Variants in PAMR1 observed in about 807,000 individuals in gnomAD.
PAMR1 encodes the protein inactive serine protease PAMR1.
In PAMR1, 88 loss-of-function variants were observed where a neutral mutation model predicts 81.8. The observed-to-expected ratio is 1.08, with a 90% confidence interval of 0.91 to 1.28. The LOEUF is 1.28. PAMR1 is among the 50% of genes most tolerant of loss of function. The pLI is 0.00. For synonymous variants in PAMR1, 336 were observed against 345.3 expected (o/e 0.97, Z 0.30); for missense variants, 935 against 919.7 (o/e 1.02, Z -0.21).
rs1267388994 is a variant in PAMR1, at chr11:35,525,579, G to C, written c.7C>G (p.Leu3Val). ...AGCCCCAACTGCGTCCAGCAACCCA[G>C]CTCCATCCTTGCCGCGGCTGGTGCC... ME[L>V]GCWTQLGLTF... The change falls in exon 1 of 11, where the codon CTG (leucine) becomes GTG (valine). Residue 3 changes from leucine to valine, a missense_variant. Coordinates refer to ENST00000619888, the MANE Select transcript of PAMR1 (RefSeq NM_001001991.3). The C allele has an allele frequency of 1.9e-6, 3 of 1,613,748 alleles. No individual in the cohort carries two copies. The highest frequency in any genetic ancestry group is 2.5e-6 in the Non-Finnish European group (3 of 1,179,920).
intron 4 of PAMR1, among the ~76,000 whole-genome samples, chr11:35,472,275 C>G (rs191087084): frequency 4.6e-5 from 7 of 152,222 alleles, no homozygotes; most frequent in African/African-American, 9.6e-5. Context: ...TACCACCTGA[C>G]AGAAGCCACA....
chr11:35,447,369 AT>A (rs1431900912), intron 6 of PAMR1, among the ~76,000 whole-genome samples: 1 of 151,750 alleles, frequency 6.6e-6, no homozygotes, highest in Non-Finnish European at 1.5e-5. Context: ...CGCCCGGCTA[AT>A]TTTTTTCTAT....
chr11:35,441,742 C>G (rs778164985), intron 6 of PAMR1, 49 bp from the exon 7 acceptor site: 134 of 1,281,572 alleles, frequency 1.0e-4, no homozygotes, highest in Non-Finnish European at 1.4e-4. Flanking sequence ...CTGAGTTATT[C>G]CATTTTAGAA....
At chr11:35,511,014 T>C (rs1445109843) in intron 1 of PAMR1, among the ~76,000 whole-genome samples, 1 of 152,230 alleles carries the variant, frequency 6.6e-6, no homozygotes, top group African/African-American at 2.4e-5. Flanking sequence ...ATGTAAGACA[T>C]TTAACCTCTT....
intron 1 of PAMR1, among the ~76,000 whole-genome samples, chr11:35,498,527 A>C (rs1418502241): frequency 6.6e-6 from 1 of 152,204 alleles, no homozygotes; most frequent in East Asian, 1.9e-4. Context: ...AAAAAAGAAA[A>C]ACAATAGAGA....
intron 3 of PAMR1, among the ~76,000 whole-genome samples, chr11:35,489,464 C>A (rs1319027901): frequency 5.9e-5 from 9 of 152,208 alleles, no homozygotes; most frequent in Non-Finnish European, 2.9e-5. Flanking sequence ...CAATCGCACT[C>A]CTAATGGCTA....
At chr11:35,512,763 C>T (rs1416814329) in intron 1 of PAMR1, among the ~76,000 whole-genome samples, 1 of 152,142 alleles carries the variant, frequency 6.6e-6, no homozygotes, top group South Asian at 2.1e-4. Flanking sequence ...GAGGCTGAAG[C>T]TGGAGGATCT....
chr11:35,484,355 C>G (rs980310771), intron 3 of PAMR1, among the ~76,000 whole-genome samples: 2 of 152,214 alleles, frequency 1.3e-5, no homozygotes, highest in Admixed American at 1.3e-4. Context: ...CAGTTTGAAT[C>G]GACCTGAGCA....
intron 6 of PAMR1, among the ~76,000 whole-genome samples, chr11:35,465,804 A>G (rs930007365): frequency 1.3e-5 from 2 of 152,232 alleles, no homozygotes; most frequent in Non-Finnish European, 2.9e-5. Flanking sequence ...TTTCCTGCCC[A>G]TCTATGCTGA....
chr11:35,447,285 C>T (rs1856315131), intron 6 of PAMR1, among the ~76,000 whole-genome samples: 2 of 149,706 alleles, frequency 1.3e-5, no homozygotes, highest in Non-Finnish European at 3.0e-5. Flanking sequence ...TCACTGCAAG[C>T]TCTGCCTCCC....
intron 1 of PAMR1, among the ~76,000 whole-genome samples, chr11:35,514,378 A>G (rs1005557890): frequency 6.6e-6 from 1 of 152,226 alleles, no homozygotes; most frequent in African/African-American, 2.4e-5. Context: ...TCAGGTTTAT[A>G]TCATGGCATT....
At position 35,432,658 on chromosome 11, in the gene PAMR1, C is replaced by T; in HGVS notation, c.1861G>A (p.Val621Met). ...GFKNDTLRSG[V>M]VSVVDSLLCE... The stretch of plus-strand genomic sequence containing the variant: ...AGCAGCGAGTCCACCACACTGACCA[C>T]CCCAGAGCGCAGTGTGTCGTTCTTG... Residue 621 changes from valine to methionine, a missense_variant, in exon 11 of 11, where the codon GTG becomes ATG. Coordinates refer to ENST00000619888, the MANE Select transcript of PAMR1 (RefSeq NM_001001991.3). 6.2e-7 allele frequency: 1 copy of T among 1,613,826 alleles called. No individual in the cohort carries two copies. The highest frequency in any genetic ancestry group is 8.5e-7 in the Non-Finnish European group (1 of 1,179,754).
intron 8 of PAMR1, among the ~76,000 whole-genome samples, chr11:35,438,085 C>T (rs533598788): frequency 3.3e-5 from 5 of 152,254 alleles, no homozygotes; most frequent in South Asian, 2.1e-4. Flanking sequence ...ATGAATTATG[C>T]GTGCAAGGTA....
At chr11:35,492,281 C>T (rs994590914) in intron 2 of PAMR1, 108 bp from the exon 3 acceptor site, 13 of 1,220,866 alleles carry the variant, frequency 1.1e-5, no homozygotes, top group South Asian at 2.9e-5. Context: ...CAACTAAGAG[C>T]ATCTGGGCCT....
At chr11:35,476,674 T>C (rs1850290810) in intron 3 of PAMR1, among the ~76,000 whole-genome samples, 2 of 152,184 alleles carry the variant, frequency 1.3e-5, no homozygotes. Context: ...CCGAACATAC[T>C]GTTGTCCACC....
At chr11:35,434,860 GA>G in intron 9 of PAMR1, 56 bp from the exon 10 acceptor site, 1 of 1,540,952 alleles carries the variant, frequency 6.5e-7, no homozygotes, top group Non-Finnish European at 8.9e-7. Flanking sequence ...ATCCAAAGGA[GA>G]ATGTGTCACT....
chr11:35,461,489 T>C (rs1232942494), intron 6 of PAMR1, among the ~76,000 whole-genome samples: 1 of 152,092 alleles, frequency 6.6e-6, no homozygotes, highest in African/African-American at 2.4e-5. Context: ...GACATAGCAA[T>C]GTTTTGGTCA....
intron 2 of PAMR1, 140 bp downstream of exon 2, chr11:35,493,956 G>C: frequency 3.0e-6 from 2 of 668,846 alleles, no homozygotes; most frequent in Non-Finnish European, 5.3e-6. Context: ...AGTTAGAATG[G>C]GCTGAATTGT....
intron 6 of PAMR1, among the ~76,000 whole-genome samples, chr11:35,459,987 C>T (rs893609865): frequency 1.3e-5 from 2 of 152,232 alleles, no homozygotes; most frequent in African/African-American, 4.8e-5. Context: ...GGTCACGTCA[C>T]ATAAAGCCCA....
Sources: gnomAD v4.1 joint callset for allele counts (sites outside exome capture counted in the v4.1 genomes callset) on GRCh38, gnomAD v4.1.1 for gene constraint, MANE v1.5 for transcripts, NCBI Gene and HGNC (gene_info 2026-07-23, HGNC 2026-07-21) for gene names.